PPP2R3A: variants seen among roughly 807,000 people sequenced by gnomAD.
The protein encoded by PPP2R3A is serine/threonine-protein phosphatase 2A regulatory subunit B'' subunit alpha.
In PPP2R3A, 80 loss-of-function variants were observed where a neutral mutation model predicts 106.9. The observed-to-expected ratio is 0.75, with a 90% CI of 0.62 to 0.90. The LOEUF (loss-of-function observed/expected upper bound fraction) is 0.90. Among genes scored for constraint, PPP2R3A ranks in the 40% least tolerant of loss-of-function variants. The pLI is 0.00. For missense variants in PPP2R3A, 1,386 were observed against 1,350.4 expected (o/e 1.03, Z -0.41); for synonymous variants, 483 against 468.3 (o/e 1.03, Z -0.41).
At chr3:136,138,711 T>A (rs1938728114) in intron 13 of PPP2R3A, among the ~76,000 whole-genome samples, 1 of 115,290 alleles carries the variant, frequency 8.7e-6, no homozygotes, top group Non-Finnish European at 1.7e-5. Context: ...TTTTTTTTTT[T>A]TTTTTTTTTT....
At chr3:136,030,780 ATGTATG>A (rs754633985) in intron 3 of PPP2R3A, among the ~76,000 whole-genome samples, 1,246 of 90,962 alleles carry the variant, frequency 0.014, 25 homozygotes, top group African/African-American at 0.039. Context: ...ATATATATAT[ATGTATG>A]TATGTATGTA....
intron 1 of PPP2R3A, among the ~76,000 whole-genome samples, chr3:135,978,531 G>A (rs17196987): frequency 0.26 from 38,886 of 151,098 alleles, 5,622 homozygotes; most frequent in Non-Finnish European, 0.32. Context: ...ATTCTAAAAA[G>A]GAAAGGTTTA....
intron 2 of PPP2R3A, among the ~76,000 whole-genome samples, chr3:136,015,310 A>G (rs933238145): frequency 1.3e-5 from 2 of 151,998 alleles, no homozygotes; most frequent in African/African-American, 4.8e-5. Context: ...TGGTTTTGAT[A>G]TTAGGGTGAT....
chr3:135,998,898 AAGTT>A (rs1209923765), intron 1 of PPP2R3A, among the ~76,000 whole-genome samples: 2 of 152,236 alleles, frequency 1.3e-5, no homozygotes, highest in Non-Finnish European at 2.9e-5. Context: ...TTGTAAGAGA[AAGTT>A]AAAGTATATA....
At chr3:136,044,100 C>G (rs1287317819) in intron 4 of PPP2R3A, among the ~76,000 whole-genome samples, 1 of 151,890 alleles carries the variant, frequency 6.6e-6, no homozygotes, top group Non-Finnish European at 1.5e-5. Flanking sequence ...TGTGATCATC[C>G]CACCCATTTT....
intron 1 of PPP2R3A, among the ~76,000 whole-genome samples, chr3:135,978,108 AAT>A (rs1937470369): frequency 6.6e-6 from 1 of 152,166 alleles, no homozygotes; most frequent in South Asian, 2.1e-4. Flanking sequence ...CTTTTCTAGA[AAT>A]GTAGAGTTAT....
intron 2 of PPP2R3A, among the ~76,000 whole-genome samples, chr3:136,023,391 C>T (rs1219653692): frequency 6.6e-6 from 1 of 152,050 alleles, no homozygotes; most frequent in Non-Finnish European, 1.5e-5. Context: ...CAGAGGGATT[C>T]CAACAGGTTT....
chr3:136,069,192 A>G (rs536463926), intron 5 of PPP2R3A, among the ~76,000 whole-genome samples: 26 of 152,268 alleles, frequency 1.7e-4, no homozygotes, highest in African/African-American at 5.5e-4. Flanking sequence ...TCACTATACT[A>G]TTGTTTGTGA....
chr3:136,145,000 T>C (rs767446998), intron 13 of PPP2R3A, 43 bp from the exon 14 acceptor site: 4 of 1,589,774 alleles, frequency 2.5e-6, no homozygotes, highest in Admixed American at 1.7e-5. Context: ...ACCCAAACTT[T>C]AATCAATCAA....
chr3:136,117,227 C>T (rs1937800989), intron 13 of PPP2R3A, among the ~76,000 whole-genome samples: 1 of 152,166 alleles, frequency 6.6e-6, no homozygotes, highest in African/African-American at 2.4e-5. Flanking sequence ...CTCTGGGACA[C>T]ATTTAAAGCA....
intron 13 of PPP2R3A, among the ~76,000 whole-genome samples, chr3:136,124,657 G>C (rs1395720415): frequency 6.6e-6 from 1 of 151,498 alleles, no homozygotes; most frequent in Non-Finnish European, 1.5e-5. Flanking sequence ...AATCAGAATA[G>C]AAATCAATGA....
chr3:136,055,296 TG>T, intron 5 of PPP2R3A: 1 of 887,312 alleles, frequency 1.1e-6, no homozygotes, highest in Non-Finnish European at 1.9e-6. Flanking sequence ...TCTGTTGTGT[TG>T]GTGAAAGGAA....
chr3:136,135,463 G>A (rs1027928278), intron 13 of PPP2R3A, among the ~76,000 whole-genome samples: 1 of 152,172 alleles, frequency 6.6e-6, no homozygotes, highest in East Asian at 1.9e-4. Context: ...TTCATCTCAA[G>A]AAAGAATCAC....
chr3:136,112,321 T>G (rs1418045156), intron 13 of PPP2R3A, among the ~76,000 whole-genome samples: 1 of 151,958 alleles, frequency 6.6e-6, no homozygotes, highest in African/African-American at 2.4e-5. Context: ...AGAAAACTCA[T>G]CAAAATAGGA....
chr3:136,064,585 G>T (rs575776782), intron 5 of PPP2R3A, among the ~76,000 whole-genome samples: 1 of 152,062 alleles, frequency 6.6e-6, no homozygotes, highest in East Asian at 1.9e-4. Context: ...TAATTTTTGT[G>T]TAAATAAAAA....
chr3:135,973,208 T>G (rs2107748220), intron 1 of PPP2R3A, among the ~76,000 whole-genome samples: 1 of 152,348 alleles, frequency 6.6e-6, no homozygotes, highest in Middle Eastern at 3.4e-3. Context: ...TATGCAAGTC[T>G]GAGACTCTTA....
intron 1 of PPP2R3A, among the ~76,000 whole-genome samples, chr3:135,999,997 C>T (rs895645630): frequency 4.6e-5 from 7 of 152,088 alleles, no homozygotes; most frequent in African/African-American, 9.7e-5. Flanking sequence ...TAGTGAATCA[C>T]GCATGCTCCA....
intron 13 of PPP2R3A, among the ~76,000 whole-genome samples, chr3:136,137,580 C>T (rs1325959818): frequency 2.7e-5 from 2 of 74,574 alleles, no homozygotes; most frequent in African/African-American, 4.2e-5. Flanking sequence ...CTCGCTCTGT[C>T]GCCTAGGCTG....
chr3:136,032,508 T>A (rs1346149882), intron 3 of PPP2R3A, among the ~76,000 whole-genome samples: 5 of 143,848 alleles, frequency 3.5e-5, no homozygotes, highest in South Asian at 2.2e-4. Context: ...TTTTTTTTTT[T>A]AATTAATTAA....
Sources: allele counts gnomAD v4.1 joint callset (sites outside exome capture counted in the v4.1 genomes callset), GRCh38; gene constraint gnomAD v4.1.1; transcripts MANE v1.5; gene names NCBI Gene and HGNC (gene_info 2026-07-23, HGNC 2026-07-21).